GALNTL6: variants seen among roughly 807,000 people sequenced by gnomAD.
GALNTL6 encodes polypeptide N-acetylgalactosaminyltransferase-like 6.
In GALNTL6, 46 loss-of-function variants were observed where a neutral mutation model predicts 73.7. The ratio of observed to expected loss-of-function variants is 0.62; its 90% CI spans 0.49 to 0.80. The LOEUF (loss-of-function observed/expected upper bound fraction) is 0.80, where lower values mean the gene tolerates loss of function less well. Ranked by LOEUF, GALNTL6 falls within the 30% of genes least tolerant of loss-of-function variation. GALNTL6 has a pLI of 0.00. For synonymous variants in GALNTL6, 259 were observed against 263.7 expected, an observed-to-expected ratio of 0.98 and a Z score of 0.17; for missense variants, 604 against 755.0, an observed-to-expected ratio of 0.80 and a Z score of 2.34.
intron 2 of GALNTL6, among the ~76,000 whole-genome samples, chr4:171,845,360 T>C (rs1274073704): frequency 6.6e-6 from 1 of 152,190 alleles, no homozygotes; most frequent in East Asian, 1.9e-4. Flanking sequence ...CTTGAAATGA[T>C]GTGGAGACTA....
At chr4:172,116,540 G>C (rs1230819640) in intron 2 of GALNTL6, among the ~76,000 whole-genome samples, 1 of 152,070 alleles carries the variant, frequency 6.6e-6, no homozygotes, top group South Asian at 2.1e-4. Flanking sequence ...GAAGTGCTGG[G>C]ATTACAGGCA....
At chr4:171,915,787 A>G (rs1737601059) in intron 2 of GALNTL6, among the ~76,000 whole-genome samples, 1 of 152,136 alleles carries the variant, frequency 6.6e-6, no homozygotes, top group African/African-American at 2.4e-5. Context: ...AGAAAGCCTC[A>G]TTTATCACAG....
At chr4:172,228,547 A>G (rs1250546282) in intron 2 of GALNTL6, among the ~76,000 whole-genome samples, 2 of 152,156 alleles carry the variant, frequency 1.3e-5, no homozygotes, top group African/African-American at 2.4e-5. Context: ...TGTATTATCT[A>G]AAACTAAGAA....
chr4:172,607,622 G>T (rs1738358708), intron 5 of GALNTL6, among the ~76,000 whole-genome samples: 1 of 152,102 alleles, frequency 6.6e-6, no homozygotes, highest in Non-Finnish European at 1.5e-5. Context: ...AGCCAATAAT[G>T]GGGTTGTTGA....
intron 8 of GALNTL6, among the ~76,000 whole-genome samples, chr4:172,891,546 C>G (rs1273907780): frequency 6.6e-6 from 1 of 152,114 alleles, no homozygotes; most frequent in Non-Finnish European, 1.5e-5. Flanking sequence ...TGACATAACC[C>G]TTTACTCTAG....
chr4:172,194,870 A>G (rs544801075), intron 2 of GALNTL6, among the ~76,000 whole-genome samples: 3 of 152,214 alleles, frequency 2.0e-5, no homozygotes, highest in Non-Finnish European at 4.4e-5. Context: ...CAATGACACT[A>G]TGAAGCAACT....
At chr4:172,639,559 G>A (rs940130339) in intron 5 of GALNTL6, among the ~76,000 whole-genome samples, 1 of 152,046 alleles carries the variant, frequency 6.6e-6, no homozygotes. Context: ...TACCCCTAGA[G>A]AATCCCTAAT....
chr4:172,922,977 C>A (rs1039460727), intron 8 of GALNTL6, among the ~76,000 whole-genome samples: 3 of 152,128 alleles, frequency 2.0e-5, no homozygotes, highest in Non-Finnish European at 4.4e-5. Context: ...AATCTCACAC[C>A]TCAGAGATCA....
chr4:172,734,803 T>C (rs1007623619), intron 5 of GALNTL6, among the ~76,000 whole-genome samples: 4 of 152,120 alleles, frequency 2.6e-5, no homozygotes, highest in African/African-American at 2.4e-5. Flanking sequence ...CAGGACTTGG[T>C]GCCCTGCATC....
At chr4:172,695,894 A>G (rs1264983906) in intron 5 of GALNTL6, among the ~76,000 whole-genome samples, 5 of 152,112 alleles carry the variant, frequency 3.3e-5, no homozygotes, top group Non-Finnish European at 7.4e-5. Context: ...TGGAGCTTGC[A>G]GTGAGCTGAA....
chr4:171,920,248 A>T (rs979567153), intron 2 of GALNTL6, among the ~76,000 whole-genome samples: 2 of 151,988 alleles, frequency 1.3e-5, no homozygotes, highest in Non-Finnish European at 2.9e-5. Flanking sequence ...GGGAGAGGGG[A>T]GGGATAGCAT....
intron 7 of GALNTL6, among the ~76,000 whole-genome samples, chr4:172,831,379 G>A (rs982721498): frequency 2.0e-5 from 3 of 152,118 alleles, no homozygotes; most frequent in Non-Finnish European, 4.4e-5. Flanking sequence ...AGGATTCACC[G>A]AGTGTACTGC....
At chr4:171,953,249 TGTGTG>T in intron 2 of GALNTL6, among the ~76,000 whole-genome samples, 1 of 149,138 alleles carries the variant, frequency 6.7e-6, no homozygotes. Flanking sequence ...TGTGTGTGTG[TGTGTG>T]TGTGTGTGTG....
intron 7 of GALNTL6, among the ~76,000 whole-genome samples, chr4:172,871,438 GGC>G (rs67279738): frequency 0.59 from 89,982 of 151,512 alleles, 30,670 homozygotes; most frequent in East Asian, 0.91. Context: ...CTTCAGATAT[GGC>G]TATACTGATC....
intron 12 of GALNTL6, among the ~76,000 whole-genome samples, chr4:173,033,009 T>C (rs551784108): frequency 5.8e-4 from 87 of 149,558 alleles, no homozygotes; most frequent in African/African-American, 2.0e-3. Flanking sequence ...ATTTCTTTTC[T>C]TTTTTTTTTG....
intron 5 of GALNTL6, among the ~76,000 whole-genome samples, chr4:172,620,063 C>T (rs2111069185): frequency 6.6e-6 from 1 of 152,220 alleles, no homozygotes; most frequent in South Asian, 2.1e-4. Context: ...TCCAACAGCA[C>T]TGTCACAGTT....
intron 5 of GALNTL6, among the ~76,000 whole-genome samples, chr4:172,546,983 A>T (rs1350401039): frequency 6.6e-6 from 1 of 151,460 alleles, no homozygotes; most frequent in East Asian, 2.0e-4. Flanking sequence ...CTATGCGTTC[A>T]ACAATAGCTC....
At chr4:172,927,998 A>G (rs1579665547) in intron 8 of GALNTL6, among the ~76,000 whole-genome samples, 1 of 152,358 alleles carries the variant, frequency 6.6e-6, no homozygotes, top group Non-Finnish European at 1.5e-5. Flanking sequence ...TTTGGAAACT[A>G]TAATCTCCCA....
At chr4:172,207,052 C>G (rs1002112947) in intron 2 of GALNTL6, among the ~76,000 whole-genome samples, 2 of 151,432 alleles carry the variant, frequency 1.3e-5, no homozygotes, top group South Asian at 4.2e-4. Context: ...CTCCTGACCT[C>G]GTGATCCGCC....
Sources: gnomAD v4.1 joint callset for allele counts (sites outside exome capture counted in the v4.1 genomes callset) on GRCh38, gnomAD v4.1.1 for gene constraint, MANE v1.5 for transcripts, NCBI Gene and HGNC (gene_info 2026-07-23, HGNC 2026-07-21) for gene names.